The following GOLIM4 variants were observed in gnomAD, a reference collection of about 807,000 sequenced individuals.
GOLIM4 encodes the protein 130 kDa golgi-localized phosphoprotein.
Under a neutral mutation model 107.4 loss-of-function variants are expected in GOLIM4, and 71 were observed. The ratio of observed to expected loss-of-function variants is 0.66; its 90% confidence interval spans 0.55 to 0.81. The LOEUF (loss-of-function observed/expected upper bound fraction) is 0.81, where lower values mean the gene tolerates loss of function less well. Ranked by LOEUF, GOLIM4 falls within the 30% of genes least tolerant of loss-of-function variation. The pLI, the probability that GOLIM4 is intolerant of heterozygous loss-of-function variation, is 0.00. For missense variants in GOLIM4, 830 were observed against 826.1 expected, an observed-to-expected ratio of 1.00 and a Z score of -0.06; for synonymous variants, 327 against 294.8, an observed-to-expected ratio of 1.11 and a Z score of -1.12.
chr3:168,067,313 A>G (rs1720601460), intron 1 of GOLIM4, among the ~76,000 whole-genome samples: 2 of 152,062 alleles, frequency 1.3e-5, no homozygotes, highest in South Asian at 4.1e-4. Flanking sequence ...CTTGACTCAA[A>G]GCAACAAACT....
intron 11 of GOLIM4, among the ~76,000 whole-genome samples, chr3:168,028,992 A>C (rs1036574542): frequency 5.3e-5 from 8 of 152,196 alleles, no homozygotes; most frequent in African/African-American, 1.9e-4. Flanking sequence ...TTAGTATATA[A>C]AAAGCTTAAA....
Position 168,016,063 on chromosome 3 carries a change from C to T in GOLIM4, c.1861-5240G>A, listed in dbSNP as rs1408947669. ...AATGGGATCTAATTAAACTAAAGAG[C>T]TTCTGCACAGCAAAACAAACTACCA... On this transcript the variant is annotated intron_variant, in intron 14 of 15. Transcript: ENST00000470487. Among the ~76,000 whole-genome samples, 3 of 134,398 alleles carry T rather than the reference C, an allele frequency of 2.2e-5. 1 individual carries two copies. The highest frequency in any genetic ancestry group is 7.8e-5 in the African/African-American group (2 of 25,518). 88.2% of individuals were successfully genotyped at this position (134,398 alleles called of 152,430 possible).
chr3:168,050,187 A>G (rs374655390), intron 1 of GOLIM4, among the ~76,000 whole-genome samples: 2 of 152,280 alleles, frequency 1.3e-5, no homozygotes, highest in South Asian at 4.1e-4. Context: ...CATCTCTACC[A>G]TGTACCTGGA....
chr3:168,062,263 C>G (rs560826138), intron 1 of GOLIM4, among the ~76,000 whole-genome samples: 6 of 152,268 alleles, frequency 3.9e-5, no homozygotes, highest in African/African-American at 1.2e-4. Context: ...TTAGTGGAAT[C>G]TCTGTCTGGT....
intron 14 of GOLIM4, among the ~76,000 whole-genome samples, chr3:168,011,185 C>T (rs76195137): frequency 0.058 from 8,614 of 148,862 alleles, 318 homozygotes; most frequent in Non-Finnish European, 0.07. Context: ...AGTGGGTGCG[C>T]GCACCATGCG....
chr3:168,016,273 C>G (rs2108210548), intron 14 of GOLIM4, among the ~76,000 whole-genome samples: 2 of 135,006 alleles, frequency 1.5e-5, no homozygotes, highest in East Asian at 4.0e-4. Flanking sequence ...TTTATGCAGA[C>G]AAAAAACACA....
intron 8 of GOLIM4, among the ~76,000 whole-genome samples, chr3:168,033,269 G>A (rs1431854978): frequency 6.6e-6 from 1 of 151,178 alleles, no homozygotes; most frequent in East Asian, 2.0e-4. Context: ...TAAAATTGAG[G>A]AGTTGGGTTT....
intron 1 of GOLIM4, among the ~76,000 whole-genome samples, chr3:168,079,826 T>C (rs893436252): frequency 1.3e-5 from 2 of 152,142 alleles, no homozygotes; most frequent in African/African-American, 2.4e-5. Context: ...TATATTTTAA[T>C]ATATACCTGC....
intron 1 of GOLIM4, among the ~76,000 whole-genome samples, chr3:168,084,573 C>T (rs1370011013): frequency 6.6e-6 from 1 of 152,166 alleles, no homozygotes; most frequent in Non-Finnish European, 1.5e-5. Flanking sequence ...GTGACCATGG[C>T]AGAGTCACCC....
intron 1 of GOLIM4, among the ~76,000 whole-genome samples, chr3:168,052,288 C>A (rs757372566): frequency 5.9e-5 from 9 of 152,002 alleles, no homozygotes; most frequent in Non-Finnish European, 1.0e-4. Flanking sequence ...TCCCCTGAGC[C>A]CTTCCAACCC....
At chr3:168,073,380 C>G (rs1191191375) in intron 1 of GOLIM4, among the ~76,000 whole-genome samples, 1 of 152,154 alleles carries the variant, frequency 6.6e-6, no homozygotes. Context: ...TTTTAGAATA[C>G]AGGAATGCAT....
At chr3:168,061,429 A>C (rs1352144064) in intron 1 of GOLIM4, among the ~76,000 whole-genome samples, 1 of 152,178 alleles carries the variant, frequency 6.6e-6, no homozygotes, top group African/African-American at 2.4e-5. Flanking sequence ...AAGCTGATGA[A>C]GGCATATCCT....
At position 168,024,790 on chromosome 3, in the gene GOLIM4, T is replaced by C. The variant is rs180679744; in HGVS notation, c.1791+138A>G. ...CCCTCTCTCTCAGAGTACAGGCATA[T>C]CATGTCATAAAGTGGCCTAAAAACC... On this transcript the variant is annotated intron_variant, in intron 13 of 15. Transcript: ENST00000470487. 4 of 876,746 alleles carry C rather than the reference T, an allele frequency of 4.6e-6. No individual in the cohort carries two copies. The Admixed American group carries it at 5.7e-5, about 13-fold the overall frequency. 54.3% of individuals were successfully genotyped at this position (876,746 alleles called of 1,614,324 possible).
chr3:168,067,163 G>A (rs544849027), intron 1 of GOLIM4, among the ~76,000 whole-genome samples: 1 of 151,898 alleles, frequency 6.6e-6, no homozygotes, highest in South Asian at 2.1e-4. Flanking sequence ...AATTTAAAGT[G>A]CCCACTATTA....
At chr3:168,082,003 G>T (rs901791799) in intron 1 of GOLIM4, among the ~76,000 whole-genome samples, 1 of 152,118 alleles carries the variant, frequency 6.6e-6, no homozygotes, top group Non-Finnish European at 1.5e-5. Flanking sequence ...TGTCTAGAGG[G>T]GGTTCATGGA....
chr3:168,054,754 T>G (rs1380335563), intron 1 of GOLIM4, among the ~76,000 whole-genome samples: 1 of 152,164 alleles, frequency 6.6e-6, no homozygotes, highest in Non-Finnish European at 1.5e-5. Context: ...TTACTTTATC[T>G]CATTATCGTA....
chr3:168,046,805 C>CAAAA (rs1719330723), intron 3 of GOLIM4, 145 bp downstream of exon 3: 1 of 398,098 alleles, frequency 2.5e-6, no homozygotes. Flanking sequence ...TTTTTGGCAG[C>CAAAA]CAAAAAAAAA....
chr3:168,058,252 C>T (rs1720083979), intron 1 of GOLIM4, among the ~76,000 whole-genome samples: 1 of 152,132 alleles, frequency 6.6e-6, no homozygotes, highest in South Asian at 2.1e-4. Flanking sequence ...AAATTTTAAC[C>T]ATGACTTGAA....
intron 12 of GOLIM4, 76 bp downstream of exon 12, chr3:168,027,652 G>C: frequency 2.4e-6 from 2 of 843,140 alleles, no homozygotes; most frequent in East Asian, 2.4e-5. Flanking sequence ...CTGAAGGCTG[G>C]CATCAGGCAA....
Sources: allele counts gnomAD v4.1 joint callset (sites outside exome capture counted in the v4.1 genomes callset), GRCh38; gene constraint gnomAD v4.1.1; transcripts MANE v1.5; gene names NCBI Gene and HGNC (gene_info 2026-07-23, HGNC 2026-07-21).